PSG11: variants seen among roughly 807,000 people sequenced by gnomAD.
PSG11 encodes pregnancy-specific beta-1-glycoprotein 11.
PSG11 carries 42 observed loss-of-function variants against 36.0 expected under a neutral mutation model. The ratio of observed to expected loss-of-function variants is 1.17; its 90% CI spans 0.91 to 1.51. PSG11 has a LOEUF of 1.51. PSG11 is among the 40% of genes most tolerant of loss of function. PSG11 has a pLI of 0.00. For missense variants in PSG11, 558 were observed against 403.5 expected (o/e 1.38, Z -3.28); for synonymous variants, 206 against 153.5 (o/e 1.34, Z -2.53).
Position 43,015,306 on chromosome 19 carries a change from G to C in PSG11, c.774C>G (p.Asp258Glu), listed in dbSNP as rs778968811. ...VTSYYSGENL[D>E]LSCFANSNPP... ...GGTTAGAGTTTGCGAAGCAGGACAA[G>C]TCGAGGTTCTCTCCTGAATAGTAAG... is the stretch of plus-strand genomic sequence containing the variant. Residue 258 changes from aspartate to glutamate, a missense_variant, in exon 4 of 6, where the codon GAC (aspartate) becomes GAG (glutamate). Physicochemically the swap from Asp to Glu is conservative, Grantham distance 45. Coordinates refer to ENST00000320078, the MANE Select transcript of PSG11 (RefSeq NM_002785.3). The C allele has an allele frequency of 1.2e-6, 2 of 1,610,050 alleles. No homozygotes were observed. The highest frequency in any genetic ancestry group is 1.7e-5 in the Admixed American group (1 of 59,868).
In PSG11 at chr19:43,009,957, C is replaced by A; in HGVS notation, c.*40+1G>T. On this transcript the variant is annotated splice_donor_variant, in intron 5 of 5. Transcript: ENST00000320078. LOFTEE classifies it low-confidence loss of function (3UTR_SPLICE). ...CAGGATAAGAGAAAAGGTCATCATA[C>A]CTGCCAGTCTTCCTGAAATACAAAA... 6.3e-7 allele frequency: 1 copy of A among 1,575,350 alleles called. No individual in the cohort carries two copies. Among genetic ancestry groups the A allele is most frequent in the Middle Eastern group, 1.7e-4 (1 of 5,986 alleles).
At chr19:43,022,088 C>G (rs1010492888) in intron 2 of PSG11, among the ~76,000 whole-genome samples, 13 of 151,520 alleles carry the variant, frequency 8.6e-5, no homozygotes, top group African/African-American at 2.4e-4. Context: ...TGCCCAGGGA[C>G]TGCCTTTGTC....
Position 43,024,700 on chromosome 19 carries a change from T to C in PSG11, c.421A>G (p.Thr141Ala). 8 of 1,610,420 alleles carry C rather than the reference T, an allele frequency of 5.0e-6. 1 individual carries two copies. Among genetic ancestry groups the C allele is most frequent in the Non-Finnish European group, 4.2e-6 (5 of 1,178,332 alleles). ...ATGTGGAATCACTTACGGTATAAGG[T>C]GAAGGTGAAATATCCAGTTACTCCT... ...TRGVTGYFTF[T>A]LYLETPKPSI... The change falls in exon 2 of 6, where the codon ACC (threonine) becomes GCC (alanine). Residue 141 changes from threonine to alanine, a missense_variant. Coordinates refer to ENST00000320078, the MANE Select transcript of PSG11 (RefSeq NM_002785.3).
At chr19:43,010,277 G>A (rs1974040615) in intron 4 of PSG11, 2 of 1,463,100 alleles carry the variant, frequency 1.4e-6, no homozygotes, top group South Asian at 1.5e-5. Context: ...CAGGTATTTT[G>A]GAAGGCTTTC....
At chr19:43,013,238 G>A (rs1370140762) in intron 4 of PSG11, among the ~76,000 whole-genome samples, 1 of 151,214 alleles carries the variant, frequency 6.6e-6, no homozygotes, top group South Asian at 2.1e-4. Context: ...AAAAGCATAG[G>A]CAACAAATAA....
In PSG11 at chr19:43,026,356, G is replaced by T; in HGVS notation, c.17C>A (p.Ala6Asp). 1 of 1,610,648 alleles carries T rather than the reference G, an allele frequency of 6.2e-7. No homozygotes were observed. ...TTTGATGTGCTCTGTGCAGGGAGGG[G>T]CTGAGAGGGGCCCCATGATCTCTGC... MGPLS[A>D]PPCTEHIKWK... The change falls in exon 1 of 6, where the codon GCC becomes GAC. Residue 6 changes from alanine (A) to aspartate (D), a missense_variant. Transcript: ENST00000320078.
chr19:43,015,535 C>T (rs1966941247), intron 3 of PSG11, among the ~76,000 whole-genome samples, 165 bp from the exon 4 acceptor site: 2 of 151,398 alleles, frequency 1.3e-5, no homozygotes, highest in South Asian at 2.1e-4. Context: ...TCACCTGTTT[C>T]TCCCACCACA....
At position 43,025,252 on chromosome 19, in the gene PSG11, G is replaced by C. The variant is rs188529056; in HGVS notation, c.65-196C>G. 5.0e-4 allele frequency: 496 copies of C among 982,864 alleles called. 18 individuals carry two copies. In the African/African-American group the frequency reaches 7.7e-3, roughly 15 times the overall value. 60.9% of individuals were successfully genotyped at this position (982,864 alleles called of 1,614,324 possible). On this transcript the variant is annotated intron_variant, in intron 1 of 5. Transcript: ENST00000320078. ...TATGTGTATGTGTGTGTGTTCTACT[G>C]TCCTACTAGGTCAAGGTCAGCAGCA...
At chr19:43,015,834 G>A (rs542118399) in intron 3 of PSG11, 3 of 1,610,116 alleles carry the variant, frequency 1.9e-6, no homozygotes, top group African/African-American at 1.3e-5. Context: ...CACATTGATA[G>A]GGTCCTGTTT....
chr19:43,012,561 A>G (rs115029511), intron 4 of PSG11, among the ~76,000 whole-genome samples: 1,952 of 113,390 alleles, frequency 0.017, 118 homozygotes, highest in African/African-American at 0.066. Context: ...CAAAAAGAAT[A>G]AAATATTTAA....
In PSG11 at chr19:43,015,275, C is replaced by G; in HGVS notation, c.805G>C (p.Ala269Pro). 1 of 1,611,426 alleles carries G rather than the reference C, an allele frequency of 6.2e-7. No homozygotes were observed. The highest frequency in any genetic ancestry group is 8.5e-7 in the Non-Finnish European group (1 of 1,178,448). ...LSCFANSNPP[A>P]QYSWTINGKF... is the part of the protein sequence containing the mutation. ...CCATTAATTGTCCAAGAATACTGTGCTGGTGGGTTAGAGTTTGCGAAGCAG... is the reference window on the plus strand; with the variant it reads ...CCATTAATTGTCCAAGAATACTGTGGTGGTGGGTTAGAGTTTGCGAAGCAG... Residue 269 changes from alanine to proline, a missense_variant, in exon 4 of 6, where the codon GCA becomes CCA. By Grantham distance (27) the Ala-to-Pro change is conservative (BLOSUM62 -1). Coordinates refer to ENST00000320078, the MANE Select transcript of PSG11 (RefSeq NM_002785.3).
intron 4 of PSG11, among the ~76,000 whole-genome samples, chr19:43,013,464 T>G (rs1966884518): frequency 6.6e-6 from 1 of 151,340 alleles, no homozygotes; most frequent in Non-Finnish European, 1.5e-5. Flanking sequence ...AAATGGAGTT[T>G]TATCCAAGGA....
chr19:43,018,677 G>A (rs1967026155), intron 3 of PSG11, 93 bp downstream of exon 3: 2 of 1,607,352 alleles, frequency 1.2e-6, no homozygotes, highest in Admixed American at 1.7e-5. Context: ...AAAGGTCTCT[G>A]TACTTGGACC....
chr19:43,020,492 G>C (rs1014807876), intron 2 of PSG11, among the ~76,000 whole-genome samples: 5 of 150,814 alleles, frequency 3.3e-5, no homozygotes, highest in African/African-American at 1.2e-4. Flanking sequence ...TCTGACTCTA[G>C]TAACAAAAAA....
intron 2 of PSG11, 84 bp from the exon 3 acceptor site, chr19:43,019,132 C>A (rs1967041801): frequency 3.2e-6 from 5 of 1,558,604 alleles, no homozygotes; most frequent in Non-Finnish European, 4.3e-6. Flanking sequence ...TTGGCATTTG[C>A]CACCTCTCAG....
intron 4 of PSG11, 24 bp from the exon 5 acceptor site, chr19:43,010,065 A>G: frequency 3.1e-6 from 5 of 1,603,482 alleles, no homozygotes; most frequent in African/African-American, 1.3e-5. Flanking sequence ...AAAAGAAAAG[A>G]AGGAATGAAG....
At chr19:43,014,667 C>T (rs1487686100) in intron 4 of PSG11, 1 of 1,148,286 alleles carries the variant, frequency 8.7e-7, no homozygotes, top group African/African-American at 1.6e-5. Flanking sequence ...GCTGCTCCTC[C>T]CTCACCCAAG....
At chr19:43,017,219 T>G (rs907661666) in intron 3 of PSG11, 3 of 151,422 alleles carry the variant, frequency 2.0e-5, no homozygotes, top group Non-Finnish European at 2.9e-5. Context: ...GCATAAGACT[T>G]AGGACAAAAA....
rs557408626 is a variant in PSG11 at position 43,018,168 on chromosome 19, T to C, written c.709+602A>G. 3.4e-3 allele frequency among the ~76,000 whole-genome samples: 510 copies of C among 151,286 alleles called. 9 individuals are homozygous for C. The highest frequency in any genetic ancestry group is 0.012 in the African/African-American group (476 of 41,028). On this transcript the variant is annotated intron_variant, in intron 3 of 5. Coordinates refer to ENST00000320078, the MANE Select transcript of PSG11 (RefSeq NM_002785.3). ...ATTTGTTCCACCAGTGGCTGAGTTA[T>C]GGATGAAACAGACATAGACCCCTCT...
Sources: allele counts gnomAD v4.1 joint callset (sites outside exome capture counted in the v4.1 genomes callset), GRCh38; gene constraint gnomAD v4.1.1; transcripts MANE v1.5; gene names NCBI Gene and HGNC (gene_info 2026-07-23, HGNC 2026-07-21).